NUP98: variants seen among roughly 807,000 people sequenced by gnomAD.
NUP98 encodes nucleoporin 98 and 96 precursor.
NUP98 carries 26 observed loss-of-function variants against 191.9 expected under a neutral mutation model. That is an observed-to-expected ratio of 0.14 (90% CI 0.10 to 0.19). The LOEUF (loss-of-function observed/expected upper bound fraction) is 0.19. NUP98 is among the 10% of genes least tolerant of loss of function. The pLI is 1.00. For synonymous variants in NUP98, 808 were observed against 778.4 expected (o/e 1.04, Z -0.63); for missense variants, 1,941 against 2,178.8 (o/e 0.89, Z 2.17).
intron 1 of NUP98, among the ~76,000 whole-genome samples, chr11:3,796,651 G>A (rs892037788): frequency 6.6e-5 from 10 of 152,330 alleles, no homozygotes; most frequent in East Asian, 3.9e-4. Context: ...AATAATGGGA[G>A]ACTGAAATAT....
intron 16 of NUP98, 106 bp downstream of exon 16, chr11:3,723,051 T>C: frequency 5.9e-6 from 6 of 1,023,028 alleles, no homozygotes; most frequent in Non-Finnish European, 8.8e-6. Context: ...CATAAAATAA[T>C]ACTTAAAATG....
intron 28 of NUP98, among the ~76,000 whole-genome samples, chr11:3,691,124 C>G (rs983197738): frequency 6.6e-6 from 1 of 152,168 alleles, no homozygotes; most frequent in Admixed American, 6.5e-5. Context: ...ACACTGCATA[C>G]TTTATTATAT....
intron 22 of NUP98, among the ~76,000 whole-genome samples, chr11:3,704,953 A>T (rs2078815248): frequency 1.3e-5 from 2 of 152,258 alleles, no homozygotes; most frequent in South Asian, 4.1e-4. Flanking sequence ...AGGCTGTAGT[A>T]AGTGCGACTG....
At chr11:3,786,938 G>C (rs914153657) in intron 1 of NUP98, among the ~76,000 whole-genome samples, 1 of 152,116 alleles carries the variant, frequency 6.6e-6, no homozygotes, top group African/African-American at 2.4e-5. Context: ...AAACTCCTTT[G>C]TATCAAAGCC....
intron 1 of NUP98, among the ~76,000 whole-genome samples, chr11:3,782,857 C>A (rs2082020096): frequency 6.6e-6 from 1 of 152,072 alleles, no homozygotes; most frequent in African/African-American, 2.4e-5. Context: ...CGCACCCGGC[C>A]AAGGCTTTAT....
intron 11 of NUP98, among the ~76,000 whole-genome samples, chr11:3,745,051 G>A (rs2080441050): frequency 6.6e-6 from 1 of 152,174 alleles, no homozygotes; most frequent in African/African-American, 2.4e-5. Flanking sequence ...TAATTAGCAC[G>A]ATGTCACAAT....
chr11:3,783,474 G>A (rs1241418519), intron 1 of NUP98, among the ~76,000 whole-genome samples: 2 of 151,136 alleles, frequency 1.3e-5, no homozygotes, highest in Non-Finnish European at 3.0e-5. Flanking sequence ...CAAGGCGGGT[G>A]GATCACCTGA....
intron 10 of NUP98, 131 bp downstream of exon 10, chr11:3,760,408 C>G: frequency 7.3e-7 from 1 of 1,366,128 alleles, no homozygotes; most frequent in East Asian, 2.3e-5. Flanking sequence ...TTAAATATTT[C>G]CAATCATACG....
rs779559900 is a variant in NUP98 at position 3,706,607 on chromosome 11, C to T, written c.2763G>A (p.Glu921=). 19 of 1,613,798 alleles carry T rather than the reference C, an allele frequency of 1.2e-5. No homozygotes were observed. Among genetic ancestry groups the T allele is most frequent in the Admixed American group, 6.7e-5 (4 of 60,008 alleles). The change falls in exon 21 of 33, where the codon GAG becomes GAA. Residue 921 remains glutamate, a synonymous_variant. Transcript: ENST00000324932. ...CCAGTTCCACAACCCTCCCTAACTG[C>T]TCCACCTCTGGGCTCTGGCTCTGTA... ...PPPQSQSPEV[E]QLGRVVELDS...
In NUP98 at chr11:3,782,125, A is replaced by G. The variant is rs1464945191; in HGVS notation, c.-8T>C. On this transcript the variant is annotated 5_prime_UTR_variant, in exon 2 of 33. Coordinates refer to ENST00000324932, the MANE Select transcript of NUP98 (RefSeq NM_016320.5). ...AAATGATTTGTTAAACATCTTCAAA[A>G]TGAGTCTTTGTTTCAGAAAGCTGGG... 6.2e-7 allele frequency: 1 copy of G among 1,603,644 alleles called. No individual in the cohort carries two copies. The highest frequency in any genetic ancestry group is 8.5e-7 in the Non-Finnish European group (1 of 1,173,172).
At chr11:3,797,348 G>T (rs547085900) in intron 1 of NUP98, 52 bp downstream of exon 1, 4 of 400,128 alleles carry the variant, frequency 1.0e-5, no homozygotes, top group Admixed American at 4.4e-5. Context: ...CCGCCCGGAA[G>T]GGGGGAGAAA....
chr11:3,788,954 A>C (rs2082240418), intron 1 of NUP98, among the ~76,000 whole-genome samples: 1 of 152,246 alleles, frequency 6.6e-6, no homozygotes, highest in African/African-American at 2.4e-5. Flanking sequence ...TCTCAAAAAA[A>C]CAACCAAAAA....
At chr11:3,749,104 C>G (rs947498124) in intron 11 of NUP98, among the ~76,000 whole-genome samples, 2 of 146,072 alleles carry the variant, frequency 1.4e-5, no homozygotes, top group Non-Finnish European at 3.0e-5. Flanking sequence ...GTCAGGAGAT[C>G]GAGACCATCC....
intron 12 of NUP98, among the ~76,000 whole-genome samples, chr11:3,743,619 C>G (rs1416222828): frequency 2.1e-5 from 3 of 145,738 alleles, no homozygotes; most frequent in African/African-American, 7.7e-5. Context: ...TGTACTCCAG[C>G]CTGGGCAACA....
rs1372451509 is a variant in NUP98, at chr11:3,683,387, C to T, written c.4731G>A (p.Glu1577=). 6 of 1,614,068 alleles carry T rather than the reference C, an allele frequency of 3.7e-6. No individual in the cohort carries two copies. In the Middle Eastern group the frequency reaches 4.9e-4, roughly 133 times the overall value. The part of the protein sequence containing the change: ...ELLTRHCQLL[E]TPESWAKETF... ...TCTCTTTAGCCCAAGATTCAGGGGT[C>T]TCCAACAGCTGGCAGTGCCGGGTAA... The change falls in exon 30 of 33, where the codon GAG becomes GAA. Residue 1577 remains glutamate, a synonymous_variant. Transcript: ENST00000324932.
chr11:3,713,729 A>G (rs2079089114), intron 19 of NUP98, 89 bp downstream of exon 19: 1 of 1,251,232 alleles, frequency 8.0e-7, no homozygotes, highest in Non-Finnish European at 1.1e-6. Flanking sequence ...ATCAATCAAT[A>G]GAATTTAGCA....
intron 12 of NUP98, among the ~76,000 whole-genome samples, chr11:3,740,701 G>A (rs2080250081): frequency 6.6e-6 from 1 of 151,798 alleles, no homozygotes. Context: ...AACATTTAGA[G>A]GACCCTCTGA....
At chr11:3,763,106 T>TAA in intron 8 of NUP98, 67 bp from the exon 9 acceptor site, 3 of 1,470,330 alleles carry the variant, frequency 2.0e-6, no homozygotes, top group African/African-American at 1.4e-5. Context: ...CTCAGAGTAA[T>TAA]AAAAAAAAAG....
rs926799657 is a variant in NUP98 at position 3,683,951 on chromosome 11, T to G, written c.4677-510A>C. Among the ~76,000 whole-genome samples the G allele has an allele frequency of 2.0e-5, 3 of 152,236 alleles. No homozygotes were observed. In the South Asian group the frequency reaches 6.2e-4, roughly 32 times the overall value. ...GGCCAGGCACAGTGCCTCACGCCTG[T>G]AATCCCAGCACTTTGGGAGGTCAAG... On this transcript the variant is annotated intron_variant, in intron 29 of 32. Transcript: ENST00000324932.
Sources: allele counts gnomAD v4.1 joint callset (sites outside exome capture counted in the v4.1 genomes callset), GRCh38; gene constraint gnomAD v4.1.1; transcripts MANE v1.5; gene names NCBI Gene and HGNC (gene_info 2026-07-23, HGNC 2026-07-21).